The following USH2A variants were observed in gnomAD, a reference collection of about 807,000 sequenced individuals.
The protein encoded by USH2A is Usher syndrome 2A (autosomal recessive, mild).
In USH2A, 443 loss-of-function variants were observed where a neutral mutation model predicts 538.9. The observed-to-expected ratio is 0.82, with a 90% CI of 0.76 to 0.89. The LOEUF (loss-of-function observed/expected upper bound fraction) is 0.89. USH2A is among the 40% of genes least tolerant of loss of function. The pLI is 0.00. For missense variants in USH2A, 6,633 were observed against 6,324.8 expected (o/e 1.05, Z -1.65); for synonymous variants, 2,413 against 2,273.5 (o/e 1.06, Z -1.75).
At chr1:215,645,332 T>C (rs1656812473) in intron 67 of USH2A, among the ~76,000 whole-genome samples, 1 of 151,826 alleles carries the variant, frequency 6.6e-6, no homozygotes, top group Non-Finnish European at 1.5e-5. Flanking sequence ...TGACCATGAG[T>C]TCAGAGTAAT....
intron 64 of USH2A, among the ~76,000 whole-genome samples, chr1:215,661,546 T>C (rs757206714): frequency 1.3e-5 from 2 of 152,154 alleles, no homozygotes; most frequent in African/African-American, 2.4e-5. Flanking sequence ...TTTCTTCAAA[T>C]ACCCTTTGAA....
At chr1:215,736,732 T>C (rs1399011674) in intron 60 of USH2A, among the ~76,000 whole-genome samples, 3 of 151,924 alleles carry the variant, frequency 2.0e-5, no homozygotes, top group African/African-American at 7.2e-5. Context: ...AAGATAAATA[T>C]TTTAAGTAAA....
At chr1:216,417,561 T>A (rs969892860) in intron 3 of USH2A, among the ~76,000 whole-genome samples, 22 of 152,118 alleles carry the variant, frequency 1.4e-4, no homozygotes, top group African/African-American at 5.3e-4. Context: ...CTAGTGCTAG[T>A]CTCCTGATAG....
chr1:216,048,168 C>T (rs1242213303), intron 31 of USH2A, among the ~76,000 whole-genome samples: 1 of 152,170 alleles, frequency 6.6e-6, no homozygotes, highest in Non-Finnish European at 1.5e-5. Context: ...CTGTGCCATA[C>T]AATCAATTCT....
chr1:216,237,942 G>T (rs1240170592), intron 13 of USH2A, among the ~76,000 whole-genome samples: 1 of 152,122 alleles, frequency 6.6e-6, no homozygotes, highest in African/African-American at 2.4e-5. Context: ...TGAAAAACAT[G>T]TTAACCTAGA....
At chr1:215,855,398 A>C (rs1186989709) in intron 44 of USH2A, among the ~76,000 whole-genome samples, 1 of 152,206 alleles carries the variant, frequency 6.6e-6, no homozygotes, top group African/African-American at 2.4e-5. Context: ...CTTTTACAAT[A>C]ACTGCAAAAA....
intron 15 of USH2A, among the ~76,000 whole-genome samples, chr1:216,210,239 AG>A (rs199835601): frequency 0.012 from 1,832 of 152,192 alleles, 28 homozygotes; most frequent in African/African-American, 0.042. Context: ...TGATCAACTA[AG>A]TATACCACTG....
intron 35 of USH2A, among the ~76,000 whole-genome samples, chr1:215,971,708 T>A (rs1667498125): frequency 6.6e-6 from 1 of 152,224 alleles, no homozygotes; most frequent in African/African-American, 2.4e-5. Flanking sequence ...GAATTATAAA[T>A]GCTATCATAT....
At chr1:216,036,484 C>T (rs549433979) in intron 32 of USH2A, among the ~76,000 whole-genome samples, 11 of 152,078 alleles carry the variant, frequency 7.2e-5, no homozygotes, top group Middle Eastern at 3.4e-3. Context: ...TATATTTTAA[C>T]GAATTAGACT....
chr1:215,728,582 G>GACACACACACACACACACAC lies in USH2A; in HGVS notation c.11712-218_11712-199dup, dbSNP rs1311988583. ...TCCATATCATTTTTAAAGTGTAGTT[G>GACACACACACACACACACAC]ACACACACACACACACACACACACG... On this transcript the variant is annotated intron_variant, in intron 60 of 71. Coordinates refer to ENST00000307340, the MANE Select transcript of USH2A (RefSeq NM_206933.4). 8.4e-3 allele frequency among the ~76,000 whole-genome samples: 1,253 copies of GACACACACACACACACACAC among 148,570 alleles called. 11 individuals carry two copies. The highest frequency in any genetic ancestry group is 0.022 in the African/African-American group (867 of 40,178).
At chr1:215,876,747 C>A (rs1354612509) in intron 43 of USH2A, among the ~76,000 whole-genome samples, 1 of 152,080 alleles carries the variant, frequency 6.6e-6, no homozygotes, top group Non-Finnish European at 1.5e-5. Flanking sequence ...GAAGAAACCT[C>A]CAGGCTAAGA....
intron 9 of USH2A, among the ~76,000 whole-genome samples, chr1:216,319,329 T>A (rs1341303861): frequency 6.6e-6 from 1 of 152,200 alleles, no homozygotes; most frequent in Non-Finnish European, 1.5e-5. Context: ...AACACACAAT[T>A]ATGGCTCAGT....
At chr1:215,655,336 T>C (rs1410301282) in intron 64 of USH2A, among the ~76,000 whole-genome samples, 1 of 152,240 alleles carries the variant, frequency 6.6e-6, no homozygotes, top group African/African-American at 2.4e-5. Context: ...AATTCAATAA[T>C]CATCATAGAG....
At chr1:216,087,664 T>C (rs898306785) in intron 23 of USH2A, among the ~76,000 whole-genome samples, 1 of 152,154 alleles carries the variant, frequency 6.6e-6, no homozygotes, top group Non-Finnish European at 1.5e-5. Context: ...ATTTAGCCCA[T>C]GGTGATAGTT....
intron 38 of USH2A, among the ~76,000 whole-genome samples, chr1:215,902,435 T>C (rs1370216024): frequency 2.0e-5 from 3 of 152,140 alleles, no homozygotes; most frequent in African/African-American, 7.2e-5. Flanking sequence ...CTCCACTCTG[T>C]GCTAAGCAGT....
Position 216,217,316 on chromosome 1 carries a change from A to C in USH2A, c.3157+71T>G. The C allele has an allele frequency of 1.9e-6, 3 of 1,590,070 alleles. No homozygotes were observed. The South Asian group carries it at 3.4e-5, about 18-fold the overall frequency. ...TTTCTGATGGGTTCTAAATGGAGAA[A>C]GAAAACAATGAGATGCAGTCCCCTG... is the stretch of plus-strand genomic sequence containing the variant. On this transcript the variant is annotated intron_variant, in intron 15 of 71. Coordinates refer to ENST00000307340, the MANE Select transcript of USH2A (RefSeq NM_206933.4).
intron 4 of USH2A, among the ~76,000 whole-genome samples, chr1:216,343,360 A>T (rs1221686830): frequency 2.1e-5 from 3 of 144,446 alleles, no homozygotes; most frequent in African/African-American, 8.0e-5. Flanking sequence ...ACATAGTAAG[A>T]ACCATCTCTA....
chr1:216,106,904 T>C (rs888004076), intron 21 of USH2A, among the ~76,000 whole-genome samples: 3 of 151,912 alleles, frequency 2.0e-5, no homozygotes, highest in African/African-American at 7.2e-5. Context: ...TGTTGTTTAA[T>C]TTGAAGTATT....
intron 26 of USH2A, among the ~76,000 whole-genome samples, chr1:216,079,620 T>A (rs1326700841): frequency 6.6e-6 from 1 of 152,032 alleles, no homozygotes; most frequent in East Asian, 1.9e-4. Flanking sequence ...CTTTCAGTGA[T>A]AGGAGGGTCT....
Sources: allele counts gnomAD v4.1 joint callset (sites outside exome capture counted in the v4.1 genomes callset), GRCh38; gene constraint gnomAD v4.1.1; transcripts MANE v1.5; gene names NCBI Gene and HGNC (gene_info 2026-07-23, HGNC 2026-07-21).